The following SAFB variants were observed in gnomAD, a reference collection of about 807,000 sequenced individuals.
SAFB encodes scaffold attachment factor B1.
In SAFB, 15 loss-of-function variants were observed where a neutral mutation model predicts 101.6. That is an observed-to-expected ratio of 0.15 (90% CI 0.10 to 0.23). SAFB has a LOEUF of 0.23. Ranked by LOEUF, SAFB falls within the 10% of genes least tolerant of loss-of-function variation. The pLI, the probability that SAFB is intolerant of heterozygous loss-of-function variation, is 1.00. For missense variants in SAFB, 930 were observed against 1,104.1 expected (o/e 0.84, Z 2.23); for synonymous variants, 449 against 407.5 (o/e 1.10, Z -1.23).
At chr19:5,636,689 T>C (rs2053602572) in intron 2 of SAFB, among the ~76,000 whole-genome samples, 1 of 152,014 alleles carries the variant, frequency 6.6e-6, no homozygotes, top group Non-Finnish European at 1.5e-5. Context: ...AAGAATAGTT[T>C]CCAGTATAGA....
In SAFB at chr19:5,649,988, G is replaced by A. The variant is rs1599357008; in HGVS notation, c.1198+13G>A. ...AAAGAGGAAAAGGGTAGGTCACCTC[G>A]GCGACACCAGTCCCTTGGAGCATGT... is the stretch of plus-strand genomic sequence containing the variant. On this transcript the variant is annotated intron_variant, in intron 8 of 20. Coordinates refer to ENST00000588852, the MANE Select transcript of SAFB (RefSeq NM_001201338.2). The A allele has an allele frequency of 5.0e-6, 8 of 1,608,662 alleles. No individual in the cohort carries two copies. The highest frequency in any genetic ancestry group is 2.2e-5 in the East Asian group (1 of 44,848).
intron 2 of SAFB, among the ~76,000 whole-genome samples, chr19:5,630,568 C>G (rs1260567517): frequency 6.6e-6 from 1 of 152,032 alleles, no homozygotes; most frequent in African/African-American, 2.4e-5. Flanking sequence ...CCAGCCTGGC[C>G]AACATGGTGA....
At chr19:5,648,542 G>A in intron 6 of SAFB, 1 of 321,980 alleles carries the variant, frequency 3.1e-6, no homozygotes, top group Non-Finnish European at 5.9e-6. Context: ...TTTCTGGACT[G>A]CAAATATCTC....
rs548912162 is a variant in SAFB at position 5,624,057 on chromosome 19, C to T, written c.189+663C>T. 6 of 152,092 alleles carry T rather than the reference C, an allele frequency of 3.9e-5. No individual in the cohort carries two copies. In the East Asian group the frequency reaches 1.2e-3, roughly 30 times the overall value. 9.4% of individuals were successfully genotyped at this position (152,092 alleles called of 1,614,324 possible). On this transcript the variant is annotated intron_variant, in intron 1 of 20. Transcript: ENST00000588852. ...ATCAGAAATGTGAAATGAGGGGAGACCCCGGGTGGACTTTAAAACCAGCCT... is the reference window on the plus strand; with the variant it reads ...ATCAGAAATGTGAAATGAGGGGAGATCCCGGGTGGACTTTAAAACCAGCCT...
chr19:5,647,667 T>C (rs1252362977), intron 5 of SAFB, among the ~76,000 whole-genome samples: 1 of 152,242 alleles, frequency 6.6e-6, no homozygotes, highest in Non-Finnish European at 1.5e-5. Context: ...TGACTGTTAA[T>C]GTGCCATGCA....
chr19:5,629,909 G>C (rs1267174213), intron 2 of SAFB, among the ~76,000 whole-genome samples: 3 of 152,142 alleles, frequency 2.0e-5, no homozygotes, highest in Admixed American at 6.5e-5. Context: ...AGGTGTGGTG[G>C]TGGGCGCCTG....
Position 5,649,223 on chromosome 19 carries a change from C to T in SAFB, c.872C>T (p.Ala291Val). The T allele has an allele frequency of 5.7e-6, 2 of 351,724 alleles. No homozygotes were observed. The highest frequency in any genetic ancestry group is 2.4e-5 in the South Asian group (1 of 42,206). 21.8% of individuals were successfully genotyped at this position (351,724 alleles called of 1,614,324 possible). ...TCGAGCAAGGCAGACAGCCTGTTAGCGGTAGTGAAAAGGGAGCCCGCGGAG... is the reference window on the plus strand; with the variant it reads ...TCGAGCAAGGCAGACAGCCTGTTAGTGGTAGTGAAAAGGGAGCCCGCGGAG... Reference protein sequence around the residue: ...AQSSKADSLLAVVKREPAEQP... With the variant: ...AQSSKADSLLVVVKREPAEQP... The change falls in exon 7 of 21, where the codon GCG becomes GTG. Residue 291 changes from alanine (A) to valine (V), a missense_variant. Coordinates refer to ENST00000588852, the MANE Select transcript of SAFB (RefSeq NM_001201338.2).
chr19:5,635,212 A>G (rs2053570868), intron 2 of SAFB, among the ~76,000 whole-genome samples: 1 of 152,184 alleles, frequency 6.6e-6, no homozygotes, highest in East Asian at 1.9e-4. Flanking sequence ...TAGGTGTTGG[A>G]GACAATAAAT....
At chr19:5,651,477 G>A (rs981350740) in intron 9 of SAFB, among the ~76,000 whole-genome samples, 2 of 152,210 alleles carry the variant, frequency 1.3e-5, no homozygotes, top group African/African-American at 4.8e-5. Flanking sequence ...GGAGTCTGAT[G>A]ATAGGGGTCC....
chr19:5,653,362 A>G lies in SAFB; in HGVS notation c.1468A>G (p.Lys490Glu), dbSNP rs758456968. 3 of 1,614,106 alleles carry G rather than the reference A, an allele frequency of 1.9e-6. No homozygotes were observed. Among genetic ancestry groups the G allele is most frequent in the Non-Finnish European group, 1.7e-6 (2 of 1,180,040 alleles). The change falls in exon 11 of 21, where the codon AAA becomes GAA. Residue 490 changes from lysine (K) to glutamate (E), a missense_variant. By Grantham distance (56) the Lys-to-Glu change is moderately conservative. Around this residue, in one of 7 missense-constraint regions of SAFB, gnomAD observed 92 missense variants for 83.8 expected, o/e 1.10. Coordinates refer to ENST00000588852, the MANE Select transcript of SAFB (RefSeq NM_001201338.2). ...EKAKNEPVGK[K>E]TSDKRDSDGK... ...GGCCAAAAATGAACCTGTGGGAAAG[A>G]AAACCTCTGACAAAAGAGACAGTGA...
Position 5,667,500 on chromosome 19 carries a change from A to G in SAFB, c.2557+50A>G. On this transcript the variant is annotated intron_variant, in intron 19 of 20. Transcript: ENST00000588852. The surrounding 1 kb of genome is among the most constrained non-coding windows in gnomAD (Gnocchi z 4.0). ...CCAGGATGTGCTGGGGAGTGATGGA[A>G]AGATGGAGGCCGCGCCTTCTCTCCT... 5.4e-6 allele frequency: 7 copies of G among 1,294,392 alleles called. No homozygotes were observed. The highest frequency in any genetic ancestry group is 7.5e-6 in the Non-Finnish European group (7 of 937,328). 80.2% of individuals were successfully genotyped at this position (1,294,392 alleles called of 1,614,324 possible). A position where few individuals can be genotyped will look rare whatever the true frequency, so the allele number is the denominator to read the frequency against.
At chr19:5,624,951 CT>C (rs1025756254) in intron 1 of SAFB, among the ~76,000 whole-genome samples, 1 of 152,126 alleles carries the variant, frequency 6.6e-6, no homozygotes, top group Non-Finnish European at 1.5e-5. Context: ...AGGCTTTATC[CT>C]TTTTTTCTCC....
rs1220457090 is a variant in SAFB, at chr19:5,647,891, C to G, written c.610-125C>G. ...CCTAGAACAAGCAGGTTCTCCACCT[C>G]TTGAGTTTGTGAGTTTCCCTCCCTG... is the stretch of plus-strand genomic sequence containing the variant. On this transcript the variant is annotated intron_variant, in intron 5 of 20. Coordinates refer to ENST00000588852, the MANE Select transcript of SAFB (RefSeq NM_001201338.2). 4.6e-6 allele frequency: 4 copies of G among 871,434 alleles called. No individual in the cohort carries two copies. The African/African-American group carries it at 6.7e-5, about 15-fold the overall frequency. The allele number at this position is 871,434 out of a possible 1,614,324, so 54.0% of individuals were successfully genotyped here.
At chr19:5,638,418 A>G (rs1257750093) in intron 2 of SAFB, among the ~76,000 whole-genome samples, 1 of 151,916 alleles carries the variant, frequency 6.6e-6, no homozygotes, top group Admixed American at 6.6e-5. Flanking sequence ...TCCTGGGTTC[A>G]AGCGATTCTC....
chr19:5,648,824 G>A (rs923975958), intron 6 of SAFB, 165 bp from the exon 7 acceptor site: 84 of 592,902 alleles, frequency 1.4e-4, no homozygotes, highest in Non-Finnish European at 2.5e-4. Context: ...CGCGGCGCAG[G>A]TAGTGTAACC....
intron 2 of SAFB, among the ~76,000 whole-genome samples, chr19:5,630,781 C>T (rs1292243599): frequency 2.0e-5 from 3 of 151,256 alleles, no homozygotes; most frequent in African/African-American, 7.3e-5. Context: ...ATATGTATAA[C>T]TCTGTTATAT....
At chr19:5,656,428 A>G (rs1462227539) in intron 13 of SAFB, among the ~76,000 whole-genome samples, 1 of 152,034 alleles carries the variant, frequency 6.6e-6, no homozygotes, top group Non-Finnish European at 1.5e-5. Context: ...GGCACCTGCC[A>G]CTATGCCCGG....
In SAFB at chr19:5,650,004, T is replaced by G. The variant is rs769049105; in HGVS notation, c.1198+29T>G. On this transcript the variant is annotated intron_variant, in intron 8 of 20. Coordinates refer to ENST00000588852, the MANE Select transcript of SAFB (RefSeq NM_001201338.2). ...GGTCACCTCGGCGACACCAGTCCCT[T>G]GGAGCATGTATGGCCTGGGCAGTGG... The G allele has an allele frequency of 4.4e-6, 7 of 1,589,382 alleles. No homozygotes were observed. The South Asian group carries it at 7.7e-5, about 18-fold the overall frequency.
At chr19:5,650,948 G>T in intron 8 of SAFB, 30 bp from the exon 9 acceptor site, 1 of 1,360,464 alleles carries the variant, frequency 7.4e-7, no homozygotes, top group Non-Finnish European at 1.0e-6. Context: ...TGGGTATTTG[G>T]GTTTTTACTA....
Sources: allele counts gnomAD v4.1 joint callset (sites outside exome capture counted in the v4.1 genomes callset), GRCh38; gene constraint gnomAD v4.1.1; regional missense constraint gnomAD v4.1.1; non-coding constraint Gnocchi (gnomAD v3.1); transcripts MANE v1.5; gene names NCBI Gene and HGNC (gene_info 2026-07-23, HGNC 2026-07-21).